PAPSS2: variants seen among roughly 807,000 people sequenced by gnomAD.
The protein encoded by PAPSS2 is bifunctional 3'-phosphoadenosine 5'-phosphosulfate synthase 2.
In PAPSS2, 61 loss-of-function variants were observed where a neutral mutation model predicts 66.5. The ratio of observed to expected loss-of-function variants is 0.92; its 90% confidence interval spans 0.75 to 1.14. PAPSS2 has a LOEUF of 1.14. PAPSS2 is among the 50% of genes most tolerant of loss of function. PAPSS2 has a pLI of 0.00. For synonymous variants in PAPSS2, 289 were observed against 287.5 expected (o/e 1.01, Z -0.05); for missense variants, 708 against 789.6 (o/e 0.90, Z 1.24).
chr10:87,711,423 A>G (rs749168106), intron 2 of PAPSS2, among the ~76,000 whole-genome samples: 6 of 152,340 alleles, frequency 3.9e-5, no homozygotes, highest in Non-Finnish European at 8.8e-5. Context: ...GTTTCCTGAG[A>G]GCTGAAGCAA....
At chr10:87,698,141 C>G (rs928594019) in intron 1 of PAPSS2, among the ~76,000 whole-genome samples, 11 of 152,134 alleles carry the variant, frequency 7.2e-5, no homozygotes, top group Admixed American at 7.2e-4. Context: ...TGTTTTCATA[C>G]TATTCAAATT....
At chr10:87,726,540 C>A (rs1412555259) in intron 8 of PAPSS2, among the ~76,000 whole-genome samples, 1 of 152,150 alleles carries the variant, frequency 6.6e-6, no homozygotes, top group Non-Finnish European at 1.5e-5. Context: ...ACCTCATTTA[C>A]CCTGATGTGA....
At chr10:87,664,677 G>A (rs192329357) in intron 1 of PAPSS2, among the ~76,000 whole-genome samples, 397 of 152,298 alleles carry the variant, frequency 2.6e-3, no homozygotes, top group Non-Finnish European at 4.8e-3. Flanking sequence ...TAGAGTCTGG[G>A]AAAGGCATCA....
At chr10:87,743,080 T>C (rs1395033860) in intron 10 of PAPSS2, among the ~76,000 whole-genome samples, 1 of 152,104 alleles carries the variant, frequency 6.6e-6, no homozygotes, top group Non-Finnish European at 1.5e-5. Flanking sequence ...ACCCTGAGTC[T>C]ACTAAAAATA....
chr10:87,716,841 G>A (rs1205984278), intron 7 of PAPSS2, among the ~76,000 whole-genome samples: 1 of 152,082 alleles, frequency 6.6e-6, no homozygotes, highest in Non-Finnish European at 1.5e-5. Flanking sequence ...CTTCTAGCTT[G>A]CTTTAACAAC....
chr10:87,729,073 G>T (rs928568177), intron 9 of PAPSS2, among the ~76,000 whole-genome samples: 5 of 151,930 alleles, frequency 3.3e-5, no homozygotes, highest in African/African-American at 9.7e-5. Context: ...AGCAACCTTT[G>T]GTTATGGTTA....
chr10:87,746,962 A>G lies in PAPSS2; in HGVS notation c.*992A>G, dbSNP rs992264038. 1 of 152,192 alleles carries G rather than the reference A, an allele frequency of 6.6e-6. No individual in the cohort carries two copies. The highest frequency in any genetic ancestry group is 1.5e-5 in the Non-Finnish European group (1 of 68,034). The allele number at this position is 152,192 out of a possible 1,614,324, so 9.4% of individuals were successfully genotyped here. On this transcript the variant is annotated 3_prime_UTR_variant, in exon 13 of 13. Coordinates refer to ENST00000456849, the MANE Select transcript of PAPSS2 (RefSeq NM_001015880.2). ...TGTAAGCTGTGAGCACCGTAACAAA[A>G]TGTAAATTTGCCATTATTAGGAAGT...
chr10:87,702,931 C>T (rs910429065), intron 1 of PAPSS2, among the ~76,000 whole-genome samples: 7 of 152,248 alleles, frequency 4.6e-5, no homozygotes, highest in East Asian at 1.9e-4. Flanking sequence ...CTTGTAGTCA[C>T]GCAAAATCAA....
At chr10:87,699,284 A>G (rs7076715) in intron 1 of PAPSS2, among the ~76,000 whole-genome samples, 8,074 of 152,242 alleles carry the variant, frequency 0.053, 576 homozygotes, top group African/African-American at 0.17. Flanking sequence ...CAAGATGTCA[A>G]GGTTAACATA....
At chr10:87,738,415 GTA>G (rs1853827024) in intron 9 of PAPSS2, among the ~76,000 whole-genome samples, 3 of 75,540 alleles carry the variant, frequency 4.0e-5, no homozygotes, top group South Asian at 7.1e-4. Context: ...CTGTGTGTGT[GTA>G]TGTGTGTGTG....
At chr10:87,743,119 G>A (rs1032254257) in intron 10 of PAPSS2, among the ~76,000 whole-genome samples, 3 of 152,036 alleles carry the variant, frequency 2.0e-5, no homozygotes, top group Non-Finnish European at 4.4e-5. Context: ...GGTGGCACAC[G>A]CCTGTAATCC....
intron 9 of PAPSS2, among the ~76,000 whole-genome samples, chr10:87,740,007 C>T (rs1044710508): frequency 5.3e-5 from 8 of 152,168 alleles, no homozygotes; most frequent in Non-Finnish European, 1.0e-4. Flanking sequence ...GTTTGTGCTA[C>T]AAGCAATACT....
At position 87,741,150 on chromosome 10, in the gene PAPSS2, C is replaced by T. The variant is rs767206172; in HGVS notation, c.1087-85C>T. The T allele has an allele frequency of 5.9e-5, 80 of 1,366,068 alleles. 1 individual carries two copies. The highest frequency in any genetic ancestry group is 7.2e-5 in the Non-Finnish European group (69 of 958,090). 84.6% of individuals were successfully genotyped at this position (1,366,068 alleles called of 1,614,324 possible). A position where few individuals can be genotyped will look rare whatever the true frequency, so the allele number is the denominator to read the frequency against. ...TGAAGGCAGTTCTTTAACTGTAACC[C>T]GAGATTGGTCTAAAAGGAGAAAACT... On this transcript the variant is annotated intron_variant, in intron 9 of 12. Transcript: ENST00000456849.
At chr10:87,680,561 T>C (rs1002015151) in intron 1 of PAPSS2, among the ~76,000 whole-genome samples, 4 of 152,188 alleles carry the variant, frequency 2.6e-5, no homozygotes, top group Non-Finnish European at 5.9e-5. Context: ...GAATGCTCCC[T>C]GTTTTTGCAG....
chr10:87,669,188 G>T (rs553677619), intron 1 of PAPSS2, among the ~76,000 whole-genome samples: 1 of 152,038 alleles, frequency 6.6e-6, no homozygotes, highest in African/African-American at 2.4e-5. Flanking sequence ...TGGTTTAATT[G>T]TTTTATTAAA....
intron 9 of PAPSS2, among the ~76,000 whole-genome samples, chr10:87,740,226 C>T (rs967008141): frequency 2.6e-5 from 4 of 152,148 alleles, no homozygotes; most frequent in African/African-American, 9.7e-5. Flanking sequence ...TATTCACCAC[C>T]ATAAGCTTGG....
At chr10:87,706,108 A>ATATATGTG in intron 1 of PAPSS2, among the ~76,000 whole-genome samples, 4 of 52,020 alleles carry the variant, frequency 7.7e-5, no homozygotes, top group East Asian at 4.2e-4. Context: ...ATATATATAT[A>ATATATGTG]TGTGTGTGTG....
intron 9 of PAPSS2, among the ~76,000 whole-genome samples, chr10:87,737,187 G>A (rs1318423828): frequency 6.6e-6 from 1 of 152,076 alleles, no homozygotes; most frequent in Non-Finnish European, 1.5e-5. Context: ...CAACCAAAGG[G>A]GGCCAGAGTT....
chr10:87,728,073 C>T (rs1330030017), intron 9 of PAPSS2, among the ~76,000 whole-genome samples: 1 of 152,066 alleles, frequency 6.6e-6, no homozygotes, highest in African/African-American at 2.4e-5. Flanking sequence ...AAAATGTGTT[C>T]ATCTGATAGG....
Sources: allele counts gnomAD v4.1 joint callset (sites outside exome capture counted in the v4.1 genomes callset), GRCh38; gene constraint gnomAD v4.1.1; transcripts MANE v1.5; gene names NCBI Gene and HGNC (gene_info 2026-07-23, HGNC 2026-07-21).